Variants in TJAP1 observed in about 807,000 individuals in gnomAD.
TJAP1 encodes the protein tight junction associated protein 1.
In TJAP1, 27 loss-of-function variants were observed where a neutral mutation model predicts 42.0. The ratio of observed to expected loss-of-function variants is 0.64; its 90% CI spans 0.47 to 0.89. The LOEUF is 0.89. Among genes scored for constraint, TJAP1 ranks in the 40% least tolerant of loss-of-function variants. TJAP1 has a pLI of 0.00. For synonymous variants in TJAP1, 257 were observed against 288.4 expected (o/e 0.89, Z 1.10); for missense variants, 712 against 726.9 (o/e 0.98, Z 0.24).
intron 6 of TJAP1, among the ~76,000 whole-genome samples, chr6:43,501,902 C>G (rs984116062): frequency 2.6e-5 from 3 of 115,814 alleles, no homozygotes; most frequent in African/African-American, 1.0e-4. Context: ...CACACACACA[C>G]ACACACACAC....
chr6:43,499,113 G>A lies in TJAP1; in HGVS notation c.99+13G>A, dbSNP rs201205042. 6.2e-7 allele frequency: 1 copy of A among 1,613,140 alleles called. No homozygotes were observed. The highest frequency in any genetic ancestry group is 1.7e-5 in the Admixed American group (1 of 60,002). On this transcript the variant is annotated intron_variant, in intron 4 of 10. Coordinates refer to ENST00000372449, the Ensembl canonical transcript of TJAP1. ...GCTTGAGCAGGAGGTCAGCAAGACT[G>A]GTATCACAGCCTGACCGGCAGAGGC...
rs920080336 is a variant in TJAP1, at chr6:43,491,299, GT to G, written c.-121-6574del. 7.2e-5 allele frequency among the ~76,000 whole-genome samples: 11 copies of G among 151,882 alleles called. No individual in the cohort carries two copies. Among genetic ancestry groups the G allele is most frequent in the African/African-American group, 2.7e-4 (11 of 41,360 alleles). ...CAGAAATATCTGTTTGTTTTTTTGG[GT>G]TTTTTTTGAGACAGAGTTTCGCTCT... On this transcript the variant is annotated intron_variant, in intron 2 of 10. Coordinates refer to ENST00000372449, the Ensembl canonical transcript of TJAP1. This position sits in a 1 kb window ranked among gnomAD's most constrained non-coding sequence, Gnocchi z 4.6.
rs1791903506 is a variant in TJAP1 at position 43,504,859 on chromosome 6, G to C, written c.678G>C (p.Val226=). The change falls in exon 11 of 11, where the codon GTG becomes GTC. Residue 226 remains valine, a synonymous_variant. Transcript: ENST00000372449. The stretch of plus-strand genomic sequence containing the variant: ...CTCCCAGCCTAGCCCCAGGGGCTGT[G>C]GTGCCTACCTCAGTCATTGCCCGAG... The C allele has an allele frequency of 2.5e-6, 4 of 1,614,192 alleles. No homozygotes were observed. In the East Asian group the frequency reaches 8.9e-5, roughly 36 times the overall value.
intron 6 of TJAP1, 44 bp downstream of exon 6, chr6:43,501,731 C>T (rs1288102848): frequency 1.5e-6 from 1 of 684,856 alleles, no homozygotes; most frequent in Admixed American, 2.2e-5. Flanking sequence ...CACACACACA[C>T]ACACACACAC....
Position 43,505,311 on chromosome 6 carries a change from GCACCCCTGCCTCAGCCCAGGCCT to G in TJAP1, c.1137_1159del (p.Ala380ProfsTer15). 1 of 1,610,436 alleles carries G rather than the reference GCACCCCTGCCTCAGCCCAGGCCT, an allele frequency of 6.2e-7. No homozygotes were observed. Among genetic ancestry groups the G allele is most frequent in the Non-Finnish European group, 8.5e-7 (1 of 1,179,610 alleles). Reference sequence around the variant, plus strand: ...CGGGCCCGCCCCAGCCCAGTGCCCAGCACCCCTGCCTCAGCCCAGGCCTCACCCCACCACCAGCCCAGCCCAGC... The same window carrying G: ...CGGGCCCGCCCCAGCCCAGTGCCCAGCACCCCACCACCAGCCCAGCCCAGC... On this transcript the variant is annotated frameshift_variant, in exon 11 of 11. Coordinates refer to ENST00000372449, the Ensembl canonical transcript of TJAP1. LOFTEE classifies it low-confidence loss of function (END_TRUNC). This position sits in a 1 kb window ranked among gnomAD's most constrained non-coding sequence, Gnocchi z 5.5.
chr6:43,503,249 C>T (rs777817499), intron 8 of TJAP1, 152 bp from the exon 9 acceptor site: 10 of 633,592 alleles, frequency 1.6e-5, no homozygotes, highest in Non-Finnish European at 2.8e-5. Context: ...GATGCCCAGT[C>T]TCCTTCTGTC....
chr6:43,494,725 G>A (rs767306206), intron 2 of TJAP1, among the ~76,000 whole-genome samples: 1 of 143,904 alleles, frequency 6.9e-6, no homozygotes, highest in Non-Finnish European at 1.5e-5. Context: ...TGGACTCACT[G>A]CAATCTCCAC....
At chr6:43,487,800 G>C (rs1356854762) in intron 2 of TJAP1, among the ~76,000 whole-genome samples, 2 of 151,322 alleles carry the variant, frequency 1.3e-5, no homozygotes, top group Non-Finnish European at 2.9e-5. Context: ...TTCTCCCATT[G>C]TTCCTGCCTA....
chr6:43,490,249 C>G (rs1462145922), intron 2 of TJAP1, among the ~76,000 whole-genome samples: 2 of 152,256 alleles, frequency 1.3e-5, no homozygotes, highest in Non-Finnish European at 2.9e-5. Context: ...CACCAGCCTG[C>G]TGCTGGGCTC....
chr6:43,479,368 A>T (rs1331528021), intron 2 of TJAP1, among the ~76,000 whole-genome samples: 1 of 152,230 alleles, frequency 6.6e-6, no homozygotes, highest in African/African-American at 2.4e-5. Context: ...TGAAGAACTG[A>T]TGATATGTAG....
At chr6:43,501,891 C>CCACACCCACA (rs1790770598) in intron 6 of TJAP1, among the ~76,000 whole-genome samples, 1 of 39,074 alleles carries the variant, frequency 2.6e-5, no homozygotes, top group African/African-American at 1.1e-4. Flanking sequence ...GAATGCGGGG[C>CCACACCCACA]CACACACACA....
At position 43,502,076 on chromosome 6, in the gene TJAP1, A is replaced by ACACACACACACACACTCT. The variant is rs767085594; in HGVS notation, c.291-206_291-205insACACACACACACACTCTC. ...CACACACACACACACACACACACACACTCTCTCTCTCTCTCTCTCTCTCTC... is the reference window on the plus strand; with the variant it reads ...CACACACACACACACACACACACACACACACACACACACACTCTCTCTCTCTCTCTCTCTCTCTCTCTC... On this transcript the variant is annotated intron_variant, in intron 6 of 10. Coordinates refer to ENST00000372449, the Ensembl canonical transcript of TJAP1. 1.0e-3 allele frequency among the ~76,000 whole-genome samples: 72 copies of ACACACACACACACACTCT among 68,956 alleles called. 9 individuals carry two copies. Among genetic ancestry groups the ACACACACACACACACTCT allele is most frequent in the African/African-American group, 5.4e-3 (71 of 13,116 alleles). The allele number at this position is 68,956 out of a possible 152,430, so 45.2% of individuals were successfully genotyped here. A position where few individuals can be genotyped will look rare whatever the true frequency, so the allele number is the denominator to read the frequency against.
chr6:43,478,471 T>TA (rs1784665589), intron 2 of TJAP1, among the ~76,000 whole-genome samples: 1 of 152,242 alleles, frequency 6.6e-6, no homozygotes, highest in Admixed American at 6.5e-5. Flanking sequence ...GACAGAGGCC[T>TA]AGAGACCAGG....
chr6:43,491,052 A>AC lies in TJAP1; in HGVS notation c.-121-6828dup. ...GGCAGTGTGGTGCTAGGGAGGCTGG[A>AC]CAGGGGGAGCTTGAGAACAGAAGGC... On this transcript the variant is annotated intron_variant, in intron 2 of 10. Coordinates refer to ENST00000372449, the Ensembl canonical transcript of TJAP1. The surrounding 1 kb of genome is among the most constrained non-coding windows in gnomAD (Gnocchi z 4.6). 6.6e-6 allele frequency among the ~76,000 whole-genome samples: 1 copy of AC among 152,256 alleles called. No individual in the cohort carries two copies. The highest frequency in any genetic ancestry group is 2.1e-4 in the South Asian group (1 of 4,814).
rs1486826320 is a variant in TJAP1, at chr6:43,491,971, C to T, written c.-121-5910C>T. On this transcript the variant is annotated intron_variant, in intron 2 of 10. Coordinates refer to ENST00000372449, the Ensembl canonical transcript of TJAP1. This position sits in a 1 kb window ranked among gnomAD's most constrained non-coding sequence, Gnocchi z 4.6. The stretch of plus-strand genomic sequence containing the variant: ...CTGGAGTTGAGGCCTGGTTGAGGGC[C>T]GGTCCTTCACTTTGGCCTTTCTTAG... Among the ~76,000 whole-genome samples the T allele has an allele frequency of 2.6e-5, 4 of 152,204 alleles. No homozygotes were observed. Among genetic ancestry groups the T allele is most frequent in the Non-Finnish European group, 2.9e-5 (2 of 68,042 alleles).
intron 2 of TJAP1, among the ~76,000 whole-genome samples, chr6:43,488,505 A>G (rs952385073): frequency 6.6e-5 from 10 of 152,098 alleles, no homozygotes; most frequent in African/African-American, 2.4e-4. Flanking sequence ...GGGCATTGGC[A>G]CTCCCATCTC....
At chr6:43,499,778 C>T (rs546125366) in intron 4 of TJAP1, among the ~76,000 whole-genome samples, 2 of 152,362 alleles carry the variant, frequency 1.3e-5, no homozygotes, top group African/African-American at 4.8e-5. Context: ...ACCTGAGACG[C>T]AGCATGTGCT....
At chr6:43,482,633 A>T (rs73733557) in intron 2 of TJAP1, among the ~76,000 whole-genome samples, 1,768 of 152,202 alleles carry the variant, frequency 0.012, 34 homozygotes, top group African/African-American at 0.04. Flanking sequence ...TACTTGTCTG[A>T]TTCTCATAAG....
chr6:43,505,760 C>T lies in TJAP1; in HGVS notation c.1579C>T (p.Arg527Cys), dbSNP rs754974932. The change falls in exon 11 of 11, where the codon CGC (arginine) becomes TGC (cysteine). Residue 527 changes from arginine to cysteine, a missense_variant. Transcript: ENST00000372449. This position sits in a 1 kb window ranked among gnomAD's most constrained non-coding sequence, Gnocchi z 5.5. ...GGCCTGGCCACTCCCCAGCTCCAGT[C>T]GCCCCCAGCGCAGCCCCAAGAGGAT... 2.0e-6 allele frequency: 3 copies of T among 1,518,142 alleles called. No individual in the cohort carries two copies. The highest frequency in any genetic ancestry group is 1.3e-5 in the South Asian group (1 of 75,842). The allele number at this position is 1,518,142 out of a possible 1,614,324, so 94.0% of individuals were successfully genotyped here.
Sources: allele counts gnomAD v4.1 joint callset (sites outside exome capture counted in the v4.1 genomes callset), GRCh38; gene constraint gnomAD v4.1.1; non-coding constraint Gnocchi (gnomAD v3.1); transcripts MANE v1.5; gene names NCBI Gene and HGNC (gene_info 2026-07-23, HGNC 2026-07-21).